CYFIP1: variants seen among roughly 807,000 people sequenced by gnomAD.
CYFIP1 encodes the protein cytoplasmic FMR1 interacting protein 1, also known as cytoplasmic FMR1-interacting protein 1.
In CYFIP1, 58 loss-of-function variants were observed where a neutral mutation model predicts 163.5. The ratio of observed to expected loss-of-function variants is 0.35; its 90% CI spans 0.29 to 0.44. CYFIP1 has a LOEUF of 0.44. Ranked by LOEUF, CYFIP1 falls within the 20% of genes least tolerant of loss-of-function variation. CYFIP1 has a pLI of 1.00. For missense variants in CYFIP1, 1,338 were observed against 1,653.8 expected (o/e 0.81, Z 3.31); for synonymous variants, 663 against 660.7 (o/e 1.00, Z -0.05).
At chr15:22,928,557 G>A (rs935539958) in intron 11 of CYFIP1, among the ~76,000 whole-genome samples, 10 of 152,252 alleles carry the variant, frequency 6.6e-5, no homozygotes, top group African/African-American at 2.2e-4. Context: ...GGGGGACCGC[G>A]GGCTGGGCGC....
At chr15:22,881,276 C>G (rs1316249846) in intron 25 of CYFIP1, among the ~76,000 whole-genome samples, 1 of 152,216 alleles carries the variant, frequency 6.6e-6, no homozygotes, top group East Asian at 1.9e-4. Flanking sequence ...CAAGAAAACT[C>G]GGCCAGGTAA....
chr15:22,894,847 G>GTATATAT (rs2060188825), intron 22 of CYFIP1, among the ~76,000 whole-genome samples: 1 of 143,178 alleles, frequency 7.0e-6, no homozygotes, highest in South Asian at 2.2e-4. Flanking sequence ...TAGTCTATAT[G>GTATATAT]TATATATTAT....
Position 22,927,888 on chromosome 15 carries a change from G to A in CYFIP1, c.1233+18C>T, listed in dbSNP as rs1422732277. 6.3e-7 allele frequency: 1 copy of A among 1,589,728 alleles called. No homozygotes were observed. The highest frequency in any genetic ancestry group is 8.5e-7 in the Non-Finnish European group (1 of 1,172,914). On this transcript the variant is annotated intron_variant, in intron 12 of 30. Coordinates refer to ENST00000617928, the MANE Select transcript of CYFIP1 (RefSeq NM_014608.6). ...GAGGCAGCTTTGGAGCGGGGCTGGG[G>A]TCGGGGACGGGGCCTACCACTTCCA...
Position 22,872,841 on chromosome 15 carries a change from T to C in CYFIP1, c.3581A>G (p.Glu1194Gly), listed in dbSNP as rs761348633. The C allele has an allele frequency of 4.3e-6, 7 of 1,614,068 alleles. No individual in the cohort carries two copies. The highest frequency in any genetic ancestry group is 1.6e-4 in the Middle Eastern group (1 of 6,062). ...LKVQKHDGKD[E>G]IIKNVPLKKM... ...TCCACATACCACATTTTTAATAATC[T>C]CATCTTTGCCATCATGTTTCTGGAC... Residue 1194 changes from glutamate to glycine, a missense_variant, in exon 30 of 31, where the codon GAG (glutamate) becomes GGG (glycine). Glu to Gly is a moderately conservative substitution (Grantham distance 98). This residue lies in a region of CYFIP1 where 306 missense variants were observed against 322.1 expected (regional missense o/e 0.95). Transcript: ENST00000617928.
At chr15:22,909,774 T>C (rs1361843251) in intron 20 of CYFIP1, among the ~76,000 whole-genome samples, 2 of 152,194 alleles carry the variant, frequency 1.3e-5, no homozygotes, top group African/African-American at 4.8e-5. Context: ...TGTACATATT[T>C]ATGGGGTACA....
intron 23 of CYFIP1, among the ~76,000 whole-genome samples, chr15:22,887,451 G>A (rs1350705532): frequency 2.6e-5 from 4 of 152,194 alleles, no homozygotes; most frequent in African/African-American, 9.7e-5. Context: ...AATATTTTTG[G>A]TTGATAACAG....
chr15:22,912,485 GGACAGCAGACGCTCACT>G, intron 17 of CYFIP1: 1 of 477,000 alleles, frequency 2.1e-6, no homozygotes, highest in Non-Finnish European at 3.7e-6. Context: ...GGATGCTTGG[GGACAGCAGACGCTCACT>G]GAAGGCCACA....
At position 22,936,972 on chromosome 15, in the gene CYFIP1, C is replaced by T. The variant is rs1018625365; in HGVS notation, c.900+132G>A. Reference sequence around the variant, plus strand: ...GCGGTCACCTCTGCAGACGGGAGAACGTGCATGCCCCAGACTCCACCCAGC... The same window carrying T: ...GCGGTCACCTCTGCAGACGGGAGAATGTGCATGCCCCAGACTCCACCCAGC... On this transcript the variant is annotated intron_variant, in intron 9 of 30. Coordinates refer to ENST00000617928, the MANE Select transcript of CYFIP1 (RefSeq NM_014608.6). The T allele has an allele frequency of 2.0e-5, 13 of 653,822 alleles. No individual in the cohort carries two copies. The East Asian group carries it at 2.2e-4, about 11-fold the overall frequency. The allele number at this position is 653,822 out of a possible 1,614,324, so 40.5% of individuals were successfully genotyped here.
rs529990966 is a variant in CYFIP1, at chr15:22,912,516, G to A, written c.1986-241C>T. ...CAGACGCTCACTGAAGGCCACACACGGACAAGGGCCTCCACCTGCCTGCAT... is the reference window on the plus strand; with the variant it reads ...CAGACGCTCACTGAAGGCCACACACAGACAAGGGCCTCCACCTGCCTGCAT... On this transcript the variant is annotated intron_variant, in intron 17 of 30. Coordinates refer to ENST00000617928, the MANE Select transcript of CYFIP1 (RefSeq NM_014608.6). 26 of 428,678 alleles carry A rather than the reference G, an allele frequency of 6.1e-5. No homozygotes were observed. The South Asian group carries it at 9.0e-4, about 15-fold the overall frequency. 26.6% of individuals were successfully genotyped at this position (428,678 alleles called of 1,614,324 possible).
chr15:22,893,118 A>C, intron 22 of CYFIP1, 141 bp from the exon 23 acceptor site: 2 of 642,536 alleles, frequency 3.1e-6, no homozygotes, highest in South Asian at 3.9e-5. Context: ...ATTCTAGTGA[A>C]TCGAAAACCA....
intron 25 of CYFIP1, among the ~76,000 whole-genome samples, chr15:22,880,248 C>T (rs539591433): frequency 1.3e-5 from 2 of 152,330 alleles, no homozygotes; most frequent in South Asian, 4.1e-4. Context: ...CCATGTGACC[C>T]CGGGCCTTGG....
At chr15:22,911,643 G>A (rs1429037962) in intron 18 of CYFIP1, among the ~76,000 whole-genome samples, 5 of 152,264 alleles carry the variant, frequency 3.3e-5, no homozygotes, top group Middle Eastern at 3.4e-3. Flanking sequence ...CAAGAAGGGC[G>A]TCTCTGCCCT....
chr15:22,917,415 T>C lies in CYFIP1; in HGVS notation c.1674+373A>G. On this transcript the variant is annotated intron_variant, in intron 15 of 30. Transcript: ENST00000617928. This position sits in a 1 kb window ranked among gnomAD's most constrained non-coding sequence, Gnocchi z 4.2. ...GACACACGCAAGCAGCACCTCACAG[T>C]TTCCCACGCCCCATCTACAGTCATT... 1 of 669,864 alleles carries C rather than the reference T, an allele frequency of 1.5e-6. No individual in the cohort carries two copies. Among genetic ancestry groups the C allele is most frequent in the South Asian group, 3.2e-5 (1 of 30,910 alleles). 41.5% of individuals were successfully genotyped at this position (669,864 alleles called of 1,614,324 possible).
At chr15:22,898,824 A>G (rs2060309790) in intron 22 of CYFIP1, among the ~76,000 whole-genome samples, 4 of 152,064 alleles carry the variant, frequency 2.6e-5, no homozygotes, top group African/African-American at 9.7e-5. Context: ...TAAAATGGTG[A>G]AACCCCGTCT....
chr15:22,921,701 G>C (rs2061184373), intron 13 of CYFIP1, among the ~76,000 whole-genome samples: 1 of 149,974 alleles, frequency 6.7e-6, no homozygotes, highest in Non-Finnish European at 1.5e-5. Context: ...GGGAGGTGAA[G>C]GTTGCAGTAA....
At chr15:22,952,819 C>G (rs1039302803) in intron 1 of CYFIP1, among the ~76,000 whole-genome samples, 1 of 152,118 alleles carries the variant, frequency 6.6e-6, no homozygotes, top group African/African-American at 2.4e-5. Flanking sequence ...CTTACAAAAA[C>G]AAGATACTGT....
chr15:22,875,486 A>G (rs1566913704), intron 26 of CYFIP1: 1 of 569,674 alleles, frequency 1.8e-6, no homozygotes, highest in East Asian at 2.9e-5. Context: ...AAGTACTTGG[A>G]ATGTGGCTTG....
At chr15:22,935,219 A>G (rs1186510752) in intron 9 of CYFIP1, among the ~76,000 whole-genome samples, 3 of 152,186 alleles carry the variant, frequency 2.0e-5, no homozygotes, top group Admixed American at 6.5e-5. Flanking sequence ...AAGCTCCAAC[A>G]ATTAAGGCAG....
chr15:22,938,096 C>T (rs1026127237), intron 8 of CYFIP1, among the ~76,000 whole-genome samples: 1 of 152,290 alleles, frequency 6.6e-6, no homozygotes, highest in East Asian at 1.9e-4. Context: ...CAAAGGGTCC[C>T]CCAAGGCCAC....
Sources: gnomAD v4.1 joint callset for allele counts (sites outside exome capture counted in the v4.1 genomes callset) on GRCh38, gnomAD v4.1.1 for gene constraint, gnomAD v4.1.1 regional missense constraint, Gnocchi (gnomAD v3.1) non-coding constraint, MANE v1.5 for transcripts, NCBI Gene and HGNC (gene_info 2026-07-23, HGNC 2026-07-21) for gene names.